The following CSMD1 variants were observed in gnomAD, a reference collection of about 807,000 sequenced individuals.
CSMD1 encodes CUB and Sushi multiple domains 1.
A neutral mutation model predicts 417.5 loss-of-function variants in CSMD1; 213 were observed. That is an observed-to-expected ratio of 0.51 (90% CI 0.46 to 0.57). CSMD1 has a LOEUF of 0.57. Among genes scored for constraint, CSMD1 ranks in the 20% least tolerant of loss-of-function variants. The pLI is 0.00. For synonymous variants in CSMD1, 2,862 were observed against 1,736.8 expected, an observed-to-expected ratio of 1.65 and a Z score of -16.11; for missense variants, 6,923 against 4,529.7, an observed-to-expected ratio of 1.53 and a Z score of -15.17.
intron 1 of CSMD1, among the ~76,000 whole-genome samples, chr8:4,882,289 C>G (rs1289986899): frequency 6.6e-6 from 1 of 151,746 alleles, no homozygotes; most frequent in East Asian, 2.0e-4. Flanking sequence ...CTCTAACTCA[C>G]GTGGCTGAAT....
At chr8:3,502,330 A>C (rs1032839915) in intron 10 of CSMD1, among the ~76,000 whole-genome samples, 3 of 146,106 alleles carry the variant, frequency 2.1e-5, no homozygotes, top group Admixed American at 7.1e-5. Context: ...GCGCCACTGC[A>C]CTGCAGCCTG....
chr8:4,468,121 TAA>T (rs1294839351), intron 2 of CSMD1, among the ~76,000 whole-genome samples: 2 of 152,184 alleles, frequency 1.3e-5, no homozygotes, highest in African/African-American at 4.8e-5. Context: ...AATTCAGATA[TAA>T]CTTTTTGACT....
intron 7 of CSMD1, among the ~76,000 whole-genome samples, chr8:3,698,925 T>C (rs1800701993): frequency 6.6e-6 from 1 of 152,184 alleles, no homozygotes; most frequent in Non-Finnish European, 1.5e-5. Flanking sequence ...ACAACTTCCA[T>C]TCTGTGGTAT....
At chr8:4,407,669 C>T (rs898437583) in intron 3 of CSMD1, among the ~76,000 whole-genome samples, 1 of 152,248 alleles carries the variant, frequency 6.6e-6, no homozygotes, top group African/African-American at 2.4e-5. Flanking sequence ...TCTTTGTGAA[C>T]TTCATACAAA....
intron 3 of CSMD1, among the ~76,000 whole-genome samples, chr8:4,061,721 C>G (rs1798982314): frequency 6.6e-6 from 1 of 152,124 alleles, no homozygotes; most frequent in African/African-American, 2.4e-5. Context: ...TTATTCCTTA[C>G]CAAATTAATT....
chr8:4,176,158 T>A (rs1350318380), intron 3 of CSMD1, among the ~76,000 whole-genome samples: 3 of 152,048 alleles, frequency 2.0e-5, no homozygotes, highest in South Asian at 4.1e-4. Flanking sequence ...GAAAAGAGAC[T>A]CTATGTCTTG....
chr8:4,316,946 G>A (rs561699698), intron 3 of CSMD1, among the ~76,000 whole-genome samples: 1 of 151,728 alleles, frequency 6.6e-6, no homozygotes, highest in East Asian at 2.0e-4. Flanking sequence ...TATGCCACAT[G>A]TCAGATTCAT....
intron 18 of CSMD1, among the ~76,000 whole-genome samples, chr8:3,378,103 G>T (rs1431526188): frequency 6.6e-6 from 1 of 152,164 alleles, no homozygotes; most frequent in Non-Finnish European, 1.5e-5. Context: ...GGATGTGTTT[G>T]ATTGTTGGTA....
intron 5 of CSMD1, among the ~76,000 whole-genome samples, chr8:3,958,956 C>T (rs554067525): frequency 6.6e-6 from 1 of 152,278 alleles, no homozygotes; most frequent in African/African-American, 2.4e-5. Flanking sequence ...CTGACCTTGG[C>T]TTAGGATCTG....
At chr8:3,245,844 T>C (rs896112835) in intron 26 of CSMD1, among the ~76,000 whole-genome samples, 4 of 152,310 alleles carry the variant, frequency 2.6e-5, no homozygotes, top group East Asian at 1.9e-4. Context: ...GTAATGACTT[T>C]TATCTGCTTG....
At chr8:4,780,442 T>C (rs968955140) in intron 1 of CSMD1, among the ~76,000 whole-genome samples, 2 of 152,232 alleles carry the variant, frequency 1.3e-5, no homozygotes, top group Non-Finnish European at 2.9e-5. Flanking sequence ...TCTGTCTACC[T>C]ACCTACCTAC....
At chr8:3,277,234 G>A (rs954918581) in intron 26 of CSMD1, among the ~76,000 whole-genome samples, 5 of 152,194 alleles carry the variant, frequency 3.3e-5, no homozygotes, top group African/African-American at 1.2e-4. Flanking sequence ...ATTTTTGGCA[G>A]TGGGGAGAAT....
intron 5 of CSMD1, among the ~76,000 whole-genome samples, chr8:3,870,692 T>C (rs1448647048): frequency 6.6e-6 from 1 of 152,200 alleles, no homozygotes; most frequent in Non-Finnish European, 1.5e-5. Context: ...TGTTAAGTAT[T>C]ATCTGATTTA....
chr8:4,239,765 G>T (rs1287496675), intron 3 of CSMD1, among the ~76,000 whole-genome samples: 1 of 152,142 alleles, frequency 6.6e-6, no homozygotes, highest in Non-Finnish European at 1.5e-5. Flanking sequence ...GATGACAATG[G>T]TCTATCTTTC....
intron 3 of CSMD1, among the ~76,000 whole-genome samples, chr8:4,196,618 G>T (rs1216497078): frequency 2.6e-5 from 4 of 152,056 alleles, no homozygotes; most frequent in African/African-American, 4.8e-5. Context: ...AATCTTCAAG[G>T]CCAGCAATGC....
intron 1 of CSMD1, among the ~76,000 whole-genome samples, chr8:4,664,685 C>T (rs1445064592): frequency 1.3e-5 from 2 of 152,032 alleles, no homozygotes; most frequent in South Asian, 2.1e-4. Context: ...AGGTTGGGAG[C>T]CATACACAGC....
chr8:3,093,396 G>C (rs1301698381), intron 47 of CSMD1, among the ~76,000 whole-genome samples: 2 of 152,204 alleles, frequency 1.3e-5, no homozygotes, highest in African/African-American at 4.8e-5. Context: ...GCTAGGCATG[G>C]TGGCTCACAC....
chr8:3,405,925 G>A, intron 15 of CSMD1, 102 bp downstream of exon 15: 1 of 1,095,346 alleles, frequency 9.1e-7, no homozygotes, highest in South Asian at 1.5e-5. Context: ...TATTTTGTTA[G>A]GGCAGCCCTA....
intron 3 of CSMD1, among the ~76,000 whole-genome samples, chr8:4,172,843 G>A (rs1309517330): frequency 2.0e-5 from 3 of 152,074 alleles, no homozygotes; most frequent in South Asian, 2.1e-4. Flanking sequence ...GGGACTGAGG[G>A]CTGTCCACAG....
Sources: allele counts gnomAD v4.1 joint callset (sites outside exome capture counted in the v4.1 genomes callset), GRCh38; gene constraint gnomAD v4.1.1; transcripts MANE v1.5; gene names NCBI Gene and HGNC (gene_info 2026-07-23, HGNC 2026-07-21).